The following KDM7A variants were observed in gnomAD, a reference collection of about 807,000 sequenced individuals.
KDM7A encodes the protein lysine demethylase 7A.
A neutral mutation model predicts 114.8 loss-of-function variants in KDM7A; 28 were observed. That is an observed-to-expected ratio of 0.24 (90% CI 0.18 to 0.33). The LOEUF (loss-of-function observed/expected upper bound fraction) is 0.33, where lower values mean the gene tolerates loss of function less well. KDM7A is among the 10% of genes least tolerant of loss of function. KDM7A has a pLI of 1.00. For synonymous variants in KDM7A, 423 were observed against 397.8 expected, an observed-to-expected ratio of 1.06 and a Z score of -0.75; for missense variants, 942 against 1,142.5, an observed-to-expected ratio of 0.82 and a Z score of 2.53.
intron 1 of KDM7A, among the ~76,000 whole-genome samples, chr7:140,151,055 T>G (rs560384590): frequency 5.3e-5 from 8 of 152,234 alleles, no homozygotes; most frequent in Admixed American, 4.6e-4. Flanking sequence ...GGTTTCGAAC[T>G]CTTGACCTCA....
chr7:140,100,689 C>CACACACAT (rs1562945966), intron 12 of KDM7A, among the ~76,000 whole-genome samples: 2 of 54,008 alleles, frequency 3.7e-5, no homozygotes, highest in Non-Finnish European at 3.6e-5. Flanking sequence ...TACATATATA[C>CACACACAT]ATATATATAT....
At chr7:140,118,816 T>A (rs918763049) in intron 9 of KDM7A, among the ~76,000 whole-genome samples, 2 of 152,186 alleles carry the variant, frequency 1.3e-5, no homozygotes, top group Non-Finnish European at 2.9e-5. Context: ...ACGTGCTTGA[T>A]GATGTATGCA....
intron 1 of KDM7A, among the ~76,000 whole-genome samples, chr7:140,139,601 A>C (rs1005462521): frequency 6.6e-6 from 1 of 152,222 alleles, no homozygotes; most frequent in Non-Finnish European, 1.5e-5. Context: ...ATATAGCTTT[A>C]AATGCATCTG....
At chr7:140,173,919 T>C (rs1469973680) in intron 1 of KDM7A, among the ~76,000 whole-genome samples, 1 of 152,012 alleles carries the variant, frequency 6.6e-6, no homozygotes, top group African/African-American at 2.4e-5. Context: ...ATCCCAGCAC[T>C]TTGGGAGGCC....
At chr7:140,161,689 C>A (rs1585167091) in intron 1 of KDM7A, among the ~76,000 whole-genome samples, 1 of 151,842 alleles carries the variant, frequency 6.6e-6, no homozygotes, top group Non-Finnish European at 1.5e-5. Flanking sequence ...GGGCTACAGG[C>A]GTGTGCCACC....
intron 1 of KDM7A, among the ~76,000 whole-genome samples, chr7:140,171,682 T>C (rs192156063): frequency 1.3e-5 from 2 of 150,138 alleles, no homozygotes; most frequent in East Asian, 3.9e-4. Flanking sequence ...TCTCAGAAAC[T>C]CCCTCTCAGT....
At chr7:140,162,409 G>A (rs1022071453) in intron 1 of KDM7A, among the ~76,000 whole-genome samples, 1 of 151,616 alleles carries the variant, frequency 6.6e-6, no homozygotes. Context: ...TATGTTTTGT[G>A]CTCAAGGAAA....
rs1562945966 is a variant in KDM7A, at chr7:140,100,689, C to CACACATATAT, written c.1639-667_1639-666insATATATGTGT. Among the ~76,000 whole-genome samples the CACACATATAT allele has an allele frequency of 3.1e-4, 17 of 54,002 alleles. 1 individual carries two copies. The highest frequency in any genetic ancestry group is 1.2e-3 in the South Asian group (2 of 1,664). The allele number at this position is 54,002 out of a possible 152,430, so 35.4% of individuals were successfully genotyped here. ...ATATATATATATATATACATATATA[C>CACACATATAT]ATATATATATATATATATACACATA... is the stretch of plus-strand genomic sequence containing the variant. On this transcript the variant is annotated intron_variant, in intron 12 of 19. Coordinates refer to ENST00000397560, the MANE Select transcript of KDM7A (RefSeq NM_030647.2).
In KDM7A at chr7:140,162,110, C is replaced by T. The variant is rs760109832; in HGVS notation, c.194+14634G>A. Among the ~76,000 whole-genome samples, 18 of 151,974 alleles carry T rather than the reference C, an allele frequency of 1.2e-4. 1 individual carries two copies. The highest frequency in any genetic ancestry group is 3.4e-4 in the African/African-American group (14 of 41,402). On this transcript the variant is annotated intron_variant, in intron 1 of 19. Coordinates refer to ENST00000397560, the MANE Select transcript of KDM7A (RefSeq NM_030647.2). Reference sequence around the variant, plus strand: ...CGGCACTTTGGGAGGCCGAGGCAGACGGATCACCTGAGGTTGGGAGTTTGC... The same window carrying T: ...CGGCACTTTGGGAGGCCGAGGCAGATGGATCACCTGAGGTTGGGAGTTTGC...
chr7:140,157,179 G>A (rs1043315441), intron 1 of KDM7A, among the ~76,000 whole-genome samples: 3 of 152,166 alleles, frequency 2.0e-5, no homozygotes, highest in African/African-American at 4.8e-5. Flanking sequence ...AACCATCTTC[G>A]GATCTTAGGA....
At chr7:140,134,747 T>C (rs2116814110) in intron 2 of KDM7A, among the ~76,000 whole-genome samples, 1 of 152,302 alleles carries the variant, frequency 6.6e-6, no homozygotes, top group South Asian at 2.1e-4. Flanking sequence ...ATCTAGATGA[T>C]AAGGCTTATA....
chr7:140,143,179 C>CA (rs201653729), intron 1 of KDM7A, among the ~76,000 whole-genome samples: 588 of 47,208 alleles, frequency 0.012, 3 homozygotes, highest in East Asian at 0.044. Context: ...GACCCCGTCT[C>CA]AAAAAAAAAA....
chr7:140,172,535 C>A (rs1794657399), intron 1 of KDM7A, among the ~76,000 whole-genome samples: 1 of 152,146 alleles, frequency 6.6e-6, no homozygotes, highest in African/African-American at 2.4e-5. Context: ...TGCCTGTAGT[C>A]CCAGCTACTC....
chr7:140,128,960 A>G (rs1818748108), intron 4 of KDM7A, among the ~76,000 whole-genome samples: 1 of 152,218 alleles, frequency 6.6e-6, no homozygotes, highest in South Asian at 2.1e-4. Context: ...GAATTTTCAA[A>G]ATCAAAAATT....
chr7:140,112,972 T>C (rs1480960710), intron 10 of KDM7A, among the ~76,000 whole-genome samples: 1 of 152,238 alleles, frequency 6.6e-6, no homozygotes, highest in African/African-American at 2.4e-5. Flanking sequence ...TTTACATAAA[T>C]CTAGCAGAGT....
chr7:140,135,416 T>G (rs1214618699), intron 2 of KDM7A, among the ~76,000 whole-genome samples: 1 of 152,168 alleles, frequency 6.6e-6, no homozygotes, highest in East Asian at 1.9e-4. Context: ...TTGGCCAGGA[T>G]GGTCTCGATC....
intron 1 of KDM7A, among the ~76,000 whole-genome samples, chr7:140,171,093 A>G (rs1347314231): frequency 6.9e-6 from 1 of 145,112 alleles, no homozygotes; most frequent in African/African-American, 2.6e-5. Context: ...CAACAACAAC[A>G]AAAGACTTCA....
chr7:140,124,137 T>C (rs1056662361), intron 7 of KDM7A, among the ~76,000 whole-genome samples: 5 of 151,712 alleles, frequency 3.3e-5, no homozygotes, highest in African/African-American at 1.2e-4. Context: ...AGCCCACATA[T>C]TGTATGATTC....
At chr7:140,105,440 T>C (rs1818317590) in intron 11 of KDM7A, among the ~76,000 whole-genome samples, 1 of 152,238 alleles carries the variant, frequency 6.6e-6, no homozygotes, top group African/African-American at 2.4e-5. Flanking sequence ...TAAATAGCTC[T>C]TATTATTTTG....
Sources: allele counts gnomAD v4.1 joint callset (sites outside exome capture counted in the v4.1 genomes callset), GRCh38; gene constraint gnomAD v4.1.1; transcripts MANE v1.5; gene names NCBI Gene and HGNC (gene_info 2026-07-23, HGNC 2026-07-21).